Variants in TPRG1 observed in about 807,000 individuals in gnomAD.
TPRG1 encodes tumor protein p63-regulated gene 1 protein.
A neutral mutation model predicts 29.3 loss-of-function variants in TPRG1; 29 were observed. The observed-to-expected ratio is 0.99, with a 90% CI of 0.74 to 1.35. TPRG1 has a LOEUF of 1.35. Among genes scored for constraint, TPRG1 ranks in the 40% most tolerant of loss-of-function variants. The pLI is 0.00. For synonymous variants in TPRG1, 130 were observed against 116.8 expected, an observed-to-expected ratio of 1.11 and a Z score of -0.73; for missense variants, 327 against 335.0, an observed-to-expected ratio of 0.98 and a Z score of 0.19.
At chr3:189,183,725 C>T (rs1730546643) in intron 1 of TPRG1, among the ~76,000 whole-genome samples, 1 of 151,976 alleles carries the variant, frequency 6.6e-6, no homozygotes, top group Non-Finnish European at 1.5e-5. Flanking sequence ...CACCAGAGGT[C>T]AGAGTTTAAG....
intron 4 of TPRG1, among the ~76,000 whole-genome samples, chr3:189,024,472 C>A (rs1475705755): frequency 1.3e-5 from 2 of 152,216 alleles, no homozygotes; most frequent in Non-Finnish European, 2.9e-5. Context: ...TGGCTGGAAG[C>A]CCTGGCTGGG....
upstream of TPRG1, among the ~76,000 whole-genome samples, chr3:189,097,819 C>T (rs541958537): frequency 1.3e-5 from 2 of 152,110 alleles, no homozygotes; most frequent in African/African-American, 4.8e-5. Flanking sequence ...ATAATTGGAC[C>T]TTGTGTCTTC....
intron 4 of TPRG1, among the ~76,000 whole-genome samples, chr3:189,291,075 T>G (rs1216461414): frequency 4.0e-5 from 6 of 151,880 alleles, no homozygotes; most frequent in Non-Finnish European, 7.4e-5. Context: ...CTAATTTTTT[T>G]TATTTTTAGT....
rs77383971 is a variant in TPRG1 at position 189,274,435 on chromosome 3, C to T, written c.479+35526C>T. Among the ~76,000 whole-genome samples the T allele has an allele frequency of 7.4e-3, 1,120 of 152,182 alleles. 17 individuals are homozygous for T. The highest frequency in any genetic ancestry group is 0.026 in the African/African-American group (1,083 of 41,512). On this transcript the variant is annotated intron_variant, in intron 4 of 5. Coordinates refer to ENST00000345063, the MANE Select transcript of TPRG1 (RefSeq NM_198485.4). ...TTGGATAAAATTTTACAGTCAAAGC[C>T]ACTCTTTCTTGGGAGTTTTTATATT...
At chr3:189,229,294 C>CAA (rs35836287) in intron 3 of TPRG1, among the ~76,000 whole-genome samples, 2,232 of 147,074 alleles carry the variant, frequency 0.015, 58 homozygotes, top group African/African-American at 0.053. Flanking sequence ...GTGGAAAGAC[C>CAA]AAAAAAAAAA....
chr3:189,176,680 A>G, intron 1 of TPRG1, among the ~76,000 whole-genome samples: 1 of 152,198 alleles, frequency 6.6e-6, no homozygotes, highest in East Asian at 1.9e-4. Context: ...GCGAGGCACT[A>G]ATTGGTGAAA....
chr3:189,053,682 G>T (rs1416721214), intron 4 of TPRG1, among the ~76,000 whole-genome samples: 1 of 152,086 alleles, frequency 6.6e-6, no homozygotes, highest in Non-Finnish European at 1.5e-5. Flanking sequence ...TCCCATCTTG[G>T]CTGCAGTACC....
intron 4 of TPRG1, among the ~76,000 whole-genome samples, chr3:189,091,331 TA>T (rs1718323712): frequency 6.6e-6 from 1 of 152,174 alleles, no homozygotes; most frequent in Non-Finnish European, 1.5e-5. Context: ...CATTTGTATA[TA>T]ATATCATGTA....
chr3:189,114,268 C>CTTGT lies in TPRG1; in HGVS notation c.-743-12762_-743-12759dup, dbSNP rs138358925. 3.6e-3 allele frequency among the ~76,000 whole-genome samples: 543 copies of CTTGT among 150,690 alleles called. 1 individual carries two copies. Among genetic ancestry groups the CTTGT allele is most frequent in the Middle Eastern group, 6.8e-3 (2 of 292 alleles). On this transcript the variant is annotated intron_variant, in intron 1 of 6. Coordinates refer to the TPRG1 transcript ENST00000412373. Reference sequence around the variant, plus strand: ...TGTTGTACCAGGCACCTAGATGTTGCTTGTTTGTTTGTTTGTTTGTTTGTT... The same window carrying CTTGT: ...TGTTGTACCAGGCACCTAGATGTTGCTTGTTTGTTTGTTTGTTTGTTTGTTTGTT...
intron 3 of TPRG1, among the ~76,000 whole-genome samples, chr3:189,232,328 C>A (rs190008509): frequency 2.0e-5 from 3 of 152,182 alleles, no homozygotes; most frequent in African/African-American, 7.2e-5. Flanking sequence ...AAGAATCATT[C>A]GTACTTTGCA....
rs187836409 is a variant in TPRG1 at position 189,079,253 on chromosome 3, C to G, written c.-462-47804C>G. ...GGGAGGCAAGCCATTCATGAGGGAT[C>G]TGCCCACATGACCCCGACACCTCCC... On this transcript the variant is annotated intron_variant, in intron 4 of 10. Coordinates refer to the TPRG1 transcript ENST00000433971. Among the ~76,000 whole-genome samples, 121 of 152,266 alleles carry G rather than the reference C, an allele frequency of 7.9e-4. No individual in the cohort carries two copies. The Middle Eastern group carries it at 0.014, about 17-fold the overall frequency.
At position 189,147,858 on chromosome 3, in the gene TPRG1, C is replaced by T. The variant is rs61634555; in HGVS notation, c.-227+211C>T. ...CAGGAGGTTAAGGAACTTCAGCAGACGCCAGCAGTCAGTGGATGTGGGTGG... is the reference window on the plus strand; with the variant it reads ...CAGGAGGTTAAGGAACTTCAGCAGATGCCAGCAGTCAGTGGATGTGGGTGG... On this transcript the variant is annotated intron_variant, in intron 4 of 6. Coordinates refer to the TPRG1 transcript ENST00000412373. Among the ~76,000 whole-genome samples the T allele has an allele frequency of 2.5e-3, 374 of 152,286 alleles. 2 individuals carry two copies. Among genetic ancestry groups the T allele is most frequent in the African/African-American group, 8.4e-3 (349 of 41,554 alleles).
At chr3:189,017,108 A>G (rs538771155) in intron 3 of TPRG1, among the ~76,000 whole-genome samples, 55 of 148,408 alleles carry the variant, frequency 3.7e-4, no homozygotes, top group Non-Finnish European at 4.6e-4. Context: ...TCATAATCCC[A>G]TATTTCTTGG....
intron 4 of TPRG1, among the ~76,000 whole-genome samples, chr3:189,025,070 A>T (rs1713586934): frequency 6.6e-6 from 1 of 152,180 alleles, no homozygotes; most frequent in Non-Finnish European, 1.5e-5. Flanking sequence ...GGTATGTACC[A>T]ACATCCTGCC....
Position 189,121,833 on chromosome 3 carries a change from A to C in TPRG1, c.-743-5224A>C, listed in dbSNP as rs182303902. ...GATAAAATTTTTCAAAATAGGCCCA[A>C]TGAAGAAGAGCAGATTCAAGGAGTA... On this transcript the variant is annotated intron_variant, in intron 1 of 6. Coordinates refer to the TPRG1 transcript ENST00000412373. 3 of 152,320 alleles carry C rather than the reference A, an allele frequency of 2.0e-5. No individual in the cohort carries two copies. In the East Asian group the frequency reaches 5.8e-4, roughly 29 times the overall value. The allele number at this position is 152,320 out of a possible 1,614,324, so 9.4% of individuals were successfully genotyped here.
intron 1 of TPRG1, among the ~76,000 whole-genome samples, chr3:189,196,162 C>T (rs1255434755): frequency 6.6e-6 from 1 of 152,180 alleles, no homozygotes; most frequent in African/African-American, 2.4e-5. Flanking sequence ...AGGTAAGTCA[C>T]TTCCTTACTC....
intron 5 of TPRG1, among the ~76,000 whole-genome samples, chr3:189,152,668 T>C (rs1207213503): frequency 2.0e-5 from 3 of 151,166 alleles, no homozygotes; most frequent in Non-Finnish European, 4.4e-5. Flanking sequence ...AAAGTAGGAT[T>C]GGTACCCGCC....
intron 5 of TPRG1, among the ~76,000 whole-genome samples, chr3:189,319,689 A>G (rs1285870243): frequency 2.6e-5 from 4 of 152,006 alleles, no homozygotes; most frequent in Non-Finnish European, 5.9e-5. Context: ...TTGACTCCAC[A>G]CAGTAGCTAG....
At chr3:189,063,012 C>T (rs1217488449) in intron 4 of TPRG1, among the ~76,000 whole-genome samples, 2 of 151,932 alleles carry the variant, frequency 1.3e-5, no homozygotes, top group African/African-American at 2.4e-5. Flanking sequence ...ATACTGATTA[C>T]AAGAAATTCA....
Sources: gnomAD v4.1 joint callset for allele counts (sites outside exome capture counted in the v4.1 genomes callset) on GRCh38, gnomAD v4.1.1 for gene constraint, MANE v1.5 for transcripts, NCBI Gene and HGNC (gene_info 2026-07-23, HGNC 2026-07-21) for gene names.